TMEM135: variants seen among roughly 807,000 people sequenced by gnomAD.
The protein encoded by TMEM135 is transmembrane protein 135.
In TMEM135, 30 loss-of-function variants were observed where a neutral mutation model predicts 60.3. The ratio of observed to expected loss-of-function variants is 0.50; its 90% CI spans 0.37 to 0.68. TMEM135 has a LOEUF of 0.68. Ranked by LOEUF, TMEM135 falls within the 30% of genes least tolerant of loss-of-function variation. The pLI, the probability that TMEM135 is intolerant of heterozygous loss-of-function variation, is 0.00. For synonymous variants in TMEM135, 190 were observed against 186.7 expected (o/e 1.02, Z -0.14); for missense variants, 468 against 548.8 (o/e 0.85, Z 1.47).
chr11:87,255,968 CA>C (rs1941520962), intron 6 of TMEM135, among the ~76,000 whole-genome samples: 3 of 152,094 alleles, frequency 2.0e-5, no homozygotes. Context: ...TGGTAAGTTA[CA>C]AAACTGGGAA....
chr11:87,154,608 T>C (rs1938642369), intron 4 of TMEM135, among the ~76,000 whole-genome samples: 1 of 152,204 alleles, frequency 6.6e-6, no homozygotes, highest in African/African-American at 2.4e-5. Flanking sequence ...GTACAAGGGT[T>C]CCAATTTCTC....
At chr11:87,228,200 C>CATCTATGTG (rs1940807635) in intron 5 of TMEM135, among the ~76,000 whole-genome samples, 1 of 152,046 alleles carries the variant, frequency 6.6e-6, no homozygotes, top group Non-Finnish European at 1.5e-5. Context: ...CAACAAGAAT[C>CATCTATGTG]AAGTATTAGG....
intron 5 of TMEM135, among the ~76,000 whole-genome samples, chr11:87,160,618 A>G (rs965901116): frequency 6.6e-6 from 1 of 152,206 alleles, no homozygotes; most frequent in Admixed American, 6.5e-5. Context: ...TATTAGCTGT[A>G]GGTAATTATT....
intron 6 of TMEM135, among the ~76,000 whole-genome samples, chr11:87,282,332 TC>T (rs1440166236): frequency 1.3e-5 from 2 of 152,124 alleles, no homozygotes; most frequent in African/African-American, 4.8e-5. Context: ...TGATGCAATC[TC>T]GGCTCACTGC....
chr11:87,053,963 T>C (rs1486527514), intron 1 of TMEM135, among the ~76,000 whole-genome samples: 3 of 152,226 alleles, frequency 2.0e-5, no homozygotes, highest in Non-Finnish European at 2.9e-5. Context: ...ATACTAGGAA[T>C]ATAGTTAATA....
At chr11:87,319,084 G>C in intron 13 of TMEM135, 1 of 492,088 alleles carries the variant, frequency 2.0e-6, no homozygotes, top group Non-Finnish European at 3.6e-6. Context: ...GGTTAGGCTG[G>C]TCTCGAGCTC....
chr11:87,100,065 C>T (rs1439368956), intron 4 of TMEM135, among the ~76,000 whole-genome samples: 2 of 152,122 alleles, frequency 1.3e-5, no homozygotes, highest in African/African-American at 4.8e-5. Flanking sequence ...CTTTGAATCT[C>T]TAGTTCTTTA....
intron 6 of TMEM135, among the ~76,000 whole-genome samples, chr11:87,251,886 A>G (rs1369548417): frequency 6.6e-6 from 1 of 152,214 alleles, no homozygotes; most frequent in Admixed American, 6.5e-5. Context: ...CAGTAAGGAC[A>G]GCATTATCTT....
intron 6 of TMEM135, among the ~76,000 whole-genome samples, chr11:87,270,581 A>G (rs1453546821): frequency 6.6e-6 from 1 of 152,214 alleles, no homozygotes. Context: ...TTCAGAGGTT[A>G]CATCCTCTTT....
intron 1 of TMEM135, among the ~76,000 whole-genome samples, chr11:87,041,224 G>T (rs1160623119): frequency 1.3e-5 from 2 of 151,564 alleles, no homozygotes; most frequent in African/African-American, 4.9e-5. Context: ...GAAGGTTAGA[G>T]ACATTAAGTG....
In TMEM135 at chr11:87,323,009, A is replaced by G. The variant is rs79930427; in HGVS notation, c.*1676A>G. On this transcript the variant is annotated 3_prime_UTR_variant, in exon 15 of 15. Coordinates refer to ENST00000305494, the MANE Select transcript of TMEM135 (RefSeq NM_022918.4). ...CTGTGTTTACTGTTTAAAATGAAGT[A>G]CTAAAGCCCTGAGAACTGCACCTCA... The G allele has an allele frequency of 6.9e-4, 313 of 454,416 alleles. 5 individuals carry two copies. In the East Asian group the frequency reaches 0.012, roughly 18 times the overall value. The allele number at this position is 454,416 out of a possible 1,614,324, so 28.1% of individuals were successfully genotyped here.
chr11:87,320,876 A>G (rs1942807366), intron 14 of TMEM135, among the ~76,000 whole-genome samples: 2 of 152,124 alleles, frequency 1.3e-5, no homozygotes, highest in Admixed American at 1.3e-4. Context: ...TAAAAATAAT[A>G]ATGAACCTAA....
At chr11:87,248,756 C>G (rs1941350608) in intron 6 of TMEM135, among the ~76,000 whole-genome samples, 1 of 151,946 alleles carries the variant, frequency 6.6e-6, no homozygotes, top group Non-Finnish European at 1.5e-5. Context: ...ACATGGAAAT[C>G]TTTTTATTTT....
chr11:87,222,693 A>C (rs1940665331), intron 5 of TMEM135, among the ~76,000 whole-genome samples: 1 of 150,880 alleles, frequency 6.6e-6, no homozygotes. Context: ...AGTCCCAGCT[A>C]CTCGGGAGGC....
chr11:87,279,997 TTTAA>T (rs1249091141), intron 6 of TMEM135, among the ~76,000 whole-genome samples: 2 of 152,248 alleles, frequency 1.3e-5, no homozygotes, highest in African/African-American at 2.4e-5. Flanking sequence ...AATTTTATAG[TTTAA>T]TTAAGTTTGA....
At chr11:87,259,604 A>G (rs1941603547) in intron 6 of TMEM135, among the ~76,000 whole-genome samples, 1 of 152,184 alleles carries the variant, frequency 6.6e-6, no homozygotes, top group Non-Finnish European at 1.5e-5. Context: ...TTCATGTTGT[A>G]TAGTTTCAGT....
chr11:87,247,121 A>G (rs1203263518), intron 6 of TMEM135, among the ~76,000 whole-genome samples: 1 of 151,122 alleles, frequency 6.6e-6, no homozygotes, highest in Non-Finnish European at 1.5e-5. Context: ...GGTCCACTCC[A>G]GACCCTGTTT....
intron 4 of TMEM135, among the ~76,000 whole-genome samples, chr11:87,151,937 A>G (rs894057091): frequency 3.3e-5 from 5 of 151,868 alleles, no homozygotes; most frequent in Admixed American, 6.5e-5. Context: ...TTTTTCCTTT[A>G]GGGAATCTTC....
chr11:87,097,838 C>T (rs1172519472), intron 4 of TMEM135, among the ~76,000 whole-genome samples: 1 of 152,134 alleles, frequency 6.6e-6, no homozygotes, highest in Non-Finnish European at 1.5e-5. Context: ...TGTTGTGAGG[C>T]CTTCCACATC....
Sources: allele counts gnomAD v4.1 joint callset (sites outside exome capture counted in the v4.1 genomes callset), GRCh38; gene constraint gnomAD v4.1.1; transcripts MANE v1.5; gene names NCBI Gene and HGNC (gene_info 2026-07-23, HGNC 2026-07-21).